The following ARAP3 variants were observed in gnomAD, a reference collection of about 807,000 sequenced individuals.
ARAP3 encodes arf-GAP with Rho-GAP domain, ANK repeat and PH domain-containing protein 3.
Under a neutral mutation model 169.2 loss-of-function variants are expected in ARAP3, and 82 were observed. That is an observed-to-expected ratio of 0.48 (90% confidence interval 0.41 to 0.58). The LOEUF (loss-of-function observed/expected upper bound fraction) is 0.58, where lower values mean the gene tolerates loss of function less well. Among genes scored for constraint, ARAP3 ranks in the 20% least tolerant of loss-of-function variants. The pLI is 0.00. For missense variants in ARAP3, 1,764 were observed against 2,018.0 expected (o/e 0.87, Z 2.41); for synonymous variants, 791 against 800.3 (o/e 0.99, Z 0.20).
At position 141,666,605 on chromosome 5, in the gene ARAP3, G is replaced by C; in HGVS notation, c.2391C>G (p.Pro797=). The C allele has an allele frequency of 2.0e-6, 3 of 1,483,716 alleles. No homozygotes were observed. Among genetic ancestry groups the C allele is most frequent in the Non-Finnish European group, 1.8e-6 (2 of 1,113,230 alleles). The allele number at this position is 1,483,716 out of a possible 1,614,324, so 91.9% of individuals were successfully genotyped here. ...ATAGGCGGCCCAGCCGCAGCAGCCC[G>C]GGGCCCAGCAGCTGGTGGCAGCTCA... ...SPLSCHQLLG[P]GLLRLGRLWL... Residue 797 remains proline, a synonymous_variant, in exon 17 of 33, where the codon CCC becomes CCG. Coordinates refer to ENST00000239440, the MANE Select transcript of ARAP3 (RefSeq NM_022481.6).
Position 141,673,815 on chromosome 5 carries a change from G to C in ARAP3, c.699-7C>G. 6.2e-7 allele frequency: 1 copy of C among 1,613,716 alleles called. No homozygotes were observed. Among genetic ancestry groups the C allele is most frequent in the South Asian group, 1.1e-5 (1 of 91,060 alleles). ...CAGATCCTGTCTGCTGAGCCTTGTG[G>C]GGGCCAAGACAGGGAGGGACACACA... is the stretch of plus-strand genomic sequence containing the variant. On this transcript the variant is annotated splice_polypyrimidine_tract_variant and splice_region_variant and intron_variant, in intron 4 of 32. Coordinates refer to ENST00000239440, the MANE Select transcript of ARAP3 (RefSeq NM_022481.6).
chr5:141,655,413 G>T lies in ARAP3; in HGVS notation c.4111-13C>A, dbSNP rs1401790258. ...TGTGTAGTCGCCGCTGGACACAGGTGGGGTGGGGACAAGGGGAAGGAAAGA... is the reference window on the plus strand; with the variant it reads ...TGTGTAGTCGCCGCTGGACACAGGTTGGGTGGGGACAAGGGGAAGGAAAGA... On this transcript the variant is annotated splice_polypyrimidine_tract_variant and intron_variant, in intron 31 of 32. Coordinates refer to ENST00000239440, the MANE Select transcript of ARAP3 (RefSeq NM_022481.6). The T allele has an allele frequency of 1.3e-6, 2 of 1,587,662 alleles. No homozygotes were observed. Among genetic ancestry groups the T allele is most frequent in the Non-Finnish European group, 1.7e-6 (2 of 1,166,810 alleles).
chr5:141,680,067 A>G lies in ARAP3; in HGVS notation c.420T>C (p.Thr140=). 1 of 1,614,068 alleles carries G rather than the reference A, an allele frequency of 6.2e-7. No individual in the cohort carries two copies. Among genetic ancestry groups the G allele is most frequent in the Non-Finnish European group, 8.5e-7 (1 of 1,180,014 alleles). The change falls in exon 2 of 33, where the codon ACT becomes ACC. Residue 140 remains threonine (T), a synonymous_variant. Transcript: ENST00000239440. The part of the protein sequence containing the change: ...EPSPRPPPLP[T]SSSEQSSALN... Reference sequence around the variant, plus strand: ...GGGCTGAAGACTGCTCAGAGGAGGAAGTGGGGAGAGGAGGAGGCCTTGGGC... The same window carrying G: ...GGGCTGAAGACTGCTCAGAGGAGGAGGTGGGGAGAGGAGGAGGCCTTGGGC...
At chr5:141,664,111 G>A (rs530272696) in intron 19 of ARAP3, among the ~76,000 whole-genome samples, 2 of 152,334 alleles carry the variant, frequency 1.3e-5, no homozygotes, top group East Asian at 1.9e-4. Context: ...AGGGCCAGGT[G>A]TGGTGGCTCA....
rs759842878 is a variant in ARAP3, at chr5:141,655,354, A to G, written c.4149+8T>C. On this transcript the variant is annotated splice_region_variant and intron_variant, in intron 32 of 32. Coordinates refer to ENST00000239440, the MANE Select transcript of ARAP3 (RefSeq NM_022481.6). Reference sequence around the variant, plus strand: ...CAGGCACACCGCTGGAGCAGGCACAATACTCACAAAGAACATGGACAGGGT... The same window carrying G: ...CAGGCACACCGCTGGAGCAGGCACAGTACTCACAAAGAACATGGACAGGGT... 6.3e-6 allele frequency: 10 copies of G among 1,576,608 alleles called. No individual in the cohort carries two copies. The highest frequency in any genetic ancestry group is 1.7e-4 in the Middle Eastern group (1 of 6,022).
chr5:141,671,482 T>TC lies in ARAP3; in HGVS notation c.1855-83dup. On this transcript the variant is annotated intron_variant, in intron 12 of 32. Coordinates refer to ENST00000239440, the MANE Select transcript of ARAP3 (RefSeq NM_022481.6). This position sits in a 1 kb window ranked among gnomAD's most constrained non-coding sequence, Gnocchi z 4.9. Reference sequence around the variant, plus strand: ...ACAGTCGTATCATCACTAAAAACAGTCCCCACCACCCAAGTCTAGGCATTC... The same window carrying TC: ...ACAGTCGTATCATCACTAAAAACAGTCCCCCACCACCCAAGTCTAGGCATTC... The TC allele has an allele frequency of 6.2e-7, 1 of 1,602,028 alleles. No homozygotes were observed. The highest frequency in any genetic ancestry group is 8.5e-7 in the Non-Finnish European group (1 of 1,174,406).
At chr5:141,678,016 T>C (rs2154599257) in intron 4 of ARAP3, among the ~76,000 whole-genome samples, 2 of 151,892 alleles carry the variant, frequency 1.3e-5, no homozygotes, top group East Asian at 1.9e-4. Context: ...GGCACAACCT[T>C]TGCTCACTGC....
rs1011385962 is a variant in ARAP3, at chr5:141,672,300, A to G, written c.1387T>C (p.Phe463Leu). 8 of 1,613,868 alleles carry G rather than the reference A, an allele frequency of 5.0e-6. No homozygotes were observed. Among genetic ancestry groups the G allele is most frequent in the Non-Finnish European group, 6.8e-6 (8 of 1,180,018 alleles). Residue 463 changes from phenylalanine to leucine, a missense_variant and splice_region_variant, in exon 10 of 33, where the codon TTC becomes CTC. Transcript: ENST00000239440. This position sits in a 1 kb window ranked among gnomAD's most constrained non-coding sequence, Gnocchi z 4.9. ...DLLTPHRCFS[F>L]TAESGGARQS... ...CGAGCACCCCCAGACTCGGCTGTGA[A>G]GCTGAGGGGTGGACAGCCAGTCCAT...
chr5:141,658,859 T>C (rs1227312459), intron 23 of ARAP3, among the ~76,000 whole-genome samples: 4 of 152,156 alleles, frequency 2.6e-5, no homozygotes, highest in Non-Finnish European at 5.9e-5. Flanking sequence ...CAAGGCATCA[T>C]AGTGGTTGGG....
chr5:141,672,778 A>C lies in ARAP3; in HGVS notation c.1241T>G (p.Leu414Trp). The C allele has an allele frequency of 6.2e-7, 1 of 1,613,964 alleles. No individual in the cohort carries two copies. Among genetic ancestry groups the C allele is most frequent in the Non-Finnish European group, 8.5e-7 (1 of 1,179,954 alleles). Residue 414 changes from leucine to tryptophan, a missense_variant, in exon 8 of 33, where the codon TTG becomes TGG. Leu to Trp is a moderately conservative substitution (Grantham distance 61). Coordinates refer to ENST00000239440, the MANE Select transcript of ARAP3 (RefSeq NM_022481.6). This position sits in a 1 kb window ranked among gnomAD's most constrained non-coding sequence, Gnocchi z 4.9. ...GTACAGTGCCAGCTCTCCAGGGCTC[A>C]AGGCAGCAAACACCTTGGCCTTGTG... is the stretch of plus-strand genomic sequence containing the variant. ...RGHKAKVFAA[L>W]SPGELALYKS...
chr5:141,658,617 T>C lies in ARAP3; in HGVS notation c.3373A>G (p.Ile1125Val), dbSNP rs200505511. ...QAGDLIMEVY[I>V]EQQLPDNCVT... ...CAGTTGTCTGGGAGCTGCTGCTCTA[T>C]ATAAACTTCCATGATGAGGTCTCCA... The change falls in exon 24 of 33, where the codon ATA (isoleucine) becomes GTA (valine). Residue 1125 changes from isoleucine (I) to valine (V), a missense_variant. Physicochemically the swap from Ile to Val is conservative, Grantham distance 29. This residue lies in a region of ARAP3 where 1,112 missense variants were observed against 1,285.7 expected (regional missense o/e 0.86). Transcript: ENST00000239440. 9 of 1,607,426 alleles carry C rather than the reference T, an allele frequency of 5.6e-6. No homozygotes were observed. Among genetic ancestry groups the C allele is most frequent in the East Asian group, 2.2e-5 (1 of 44,854 alleles).
Position 141,672,781 on chromosome 5 carries a change from G to A in ARAP3, c.1238C>T (p.Ala413Val), listed in dbSNP as rs1487307918. Residue 413 changes from alanine to valine, a missense_variant, in exon 8 of 33, where the codon GCC (alanine) becomes GTC (valine). Physicochemically the swap from Ala to Val is moderately conservative, Grantham distance 64. Transcript: ENST00000239440. The surrounding 1 kb of genome is among the most constrained non-coding windows in gnomAD (Gnocchi z 4.9). ...CAGTGCCAGCTCTCCAGGGCTCAAGGCAGCAAACACCTTGGCCTTGTGTCC... is the reference window on the plus strand; with the variant it reads ...CAGTGCCAGCTCTCCAGGGCTCAAGACAGCAAACACCTTGGCCTTGTGTCC... Reference protein sequence around the residue: ...LRGHKAKVFAALSPGELALYK... With the variant: ...LRGHKAKVFAVLSPGELALYK... The A allele has an allele frequency of 6.2e-7, 1 of 1,603,630 alleles. No individual in the cohort carries two copies. The highest frequency in any genetic ancestry group is 8.5e-7 in the Non-Finnish European group (1 of 1,174,750).
rs1243465819 is a variant in ARAP3, at chr5:141,671,698, G to T, written c.1726C>A (p.Pro576Thr). 1.2e-6 allele frequency: 2 copies of T among 1,612,340 alleles called. No individual in the cohort carries two copies. The highest frequency in any genetic ancestry group is 2.2e-5 in the East Asian group (1 of 44,870). Reference sequence around the variant, plus strand: ...TCTGGATGTAGTCCCTCACCTGGGGGTAGGGTCCCTGCCCAGAAGCGGTTG... The same window carrying T: ...TCTGGATGTAGTCCCTCACCTGGGGTTAGGGTCCCTGCCCAGAAGCGGTTG... ...RANRFWAGTL[P>T]PGEGLHPDAT... is the part of the protein sequence containing the mutation. Residue 576 changes from proline to threonine, a missense_variant, in exon 12 of 33, where the codon CCC becomes ACC. Pro to Thr is a conservative substitution (Grantham distance 38, BLOSUM62 -1). Transcript: ENST00000239440. This position sits in a 1 kb window ranked among gnomAD's most constrained non-coding sequence, Gnocchi z 4.9.
chr5:141,669,882 A>G, intron 15 of ARAP3, 40 bp downstream of exon 15: 1 of 1,609,550 alleles, frequency 6.2e-7, no homozygotes, highest in Non-Finnish European at 8.5e-7. Context: ...GGTTGGGAAG[A>G]GAAAAGGGGG....
At chr5:141,663,215 GAC>G (rs1378947175) in intron 19 of ARAP3, among the ~76,000 whole-genome samples, 1 of 152,178 alleles carries the variant, frequency 6.6e-6, no homozygotes, top group African/African-American at 2.4e-5. Flanking sequence ...CCCAGTGTCT[GAC>G]ACACGGTAGC....
intron 19 of ARAP3, among the ~76,000 whole-genome samples, chr5:141,664,183 G>T (rs895710535): frequency 6.6e-6 from 1 of 152,150 alleles, no homozygotes; most frequent in African/African-American, 2.4e-5. Context: ...TCAGGAATTT[G>T]AGACCAGCCT....
chr5:141,669,899 A>C (rs751605685), intron 15 of ARAP3, 23 bp downstream of exon 15: 2 of 1,607,748 alleles, frequency 1.2e-6, no homozygotes, highest in African/African-American at 2.7e-5. Context: ...GGGGAAGCTC[A>C]GTGGTCACAG....
chr5:141,680,225 G>C lies in ARAP3; in HGVS notation c.262C>G (p.Gln88Glu), dbSNP rs1353975684. 6.2e-7 allele frequency: 1 copy of C among 1,613,606 alleles called. No individual in the cohort carries two copies. The highest frequency in any genetic ancestry group is 2.2e-5 in the East Asian group (1 of 44,836). The change falls in exon 2 of 33, where the codon CAA becomes GAA. Residue 88 changes from glutamine (Q) to glutamate (E), a missense_variant. Gln to Glu is a conservative substitution (Grantham distance 29, BLOSUM62 2). Around this residue, in one of 3 missense-constraint regions of ARAP3, gnomAD observed 630 missense variants for 678.7 expected, o/e 0.93. Coordinates refer to ENST00000239440, the MANE Select transcript of ARAP3 (RefSeq NM_022481.6). ...AMEPSPSPAPQAQPPKPVPKP... is the reference protein window; with the variant it reads ...AMEPSPSPAPEAQPPKPVPKP... ...GGCACGGGCTTAGGGGGCTGGGCTTGCGGGGCTGGGCTGGGGGATGGTTCC... is the reference window on the plus strand; with the variant it reads ...GGCACGGGCTTAGGGGGCTGGGCTTCCGGGGCTGGGCTGGGGGATGGTTCC...
chr5:141,660,738 C>T (rs1202169924), intron 21 of ARAP3, among the ~76,000 whole-genome samples: 1 of 151,996 alleles, frequency 6.6e-6, no homozygotes, highest in African/African-American at 2.4e-5. Flanking sequence ...CTGCCTTGGC[C>T]TCCCAACATG....
Sources: gnomAD v4.1 joint callset for allele counts (sites outside exome capture counted in the v4.1 genomes callset) on GRCh38, gnomAD v4.1.1 for gene constraint, gnomAD v4.1.1 regional missense constraint, Gnocchi (gnomAD v3.1) non-coding constraint, MANE v1.5 for transcripts, NCBI Gene and HGNC (gene_info 2026-07-23, HGNC 2026-07-21) for gene names.